Variants in SNRPE observed in about 807,000 individuals in gnomAD.
SNRPE encodes the protein small nuclear ribonucleoprotein E.
For synonymous variants in SNRPE, 35 were observed against 36.7 expected (o/e 0.95, Z 0.17); for missense variants, 53 against 111.6 (o/e 0.48, Z 2.36).
intron 2 of SNRPE, among the ~76,000 whole-genome samples, chr1:203,862,441 AC>A (rs1376139091): frequency 6.6e-6 from 1 of 152,220 alleles, no homozygotes; most frequent in Non-Finnish European, 1.5e-5. Context: ...TGTATCCATT[AC>A]TTTGCAAGAT....
intron 2 of SNRPE, 43 bp downstream of exon 2, chr1:203,862,265 G>A (rs1689993516): frequency 1.4e-6 from 2 of 1,408,144 alleles, no homozygotes; most frequent in Non-Finnish European, 2.0e-6. Context: ...TAAATAAGAG[G>A]TGAACTGATT....
chr1:203,863,755 C>G (rs1417477732), intron 3 of SNRPE, 30 bp downstream of exon 3: 1 of 1,442,896 alleles, frequency 6.9e-7, no homozygotes, highest in Admixed American at 1.7e-5. Flanking sequence ...CATCTCATAG[C>G]AGTTCGGTCG....
intron 4 of SNRPE, among the ~76,000 whole-genome samples, chr1:203,865,569 G>A (rs1166184894): frequency 6.6e-6 from 1 of 152,104 alleles, no homozygotes; most frequent in Non-Finnish European, 1.5e-5. Context: ...CAATCAGTTC[G>A]GCAGTGGACA....
In SNRPE at chr1:203,862,093, G is replaced by A. The variant is rs1689989678; in HGVS notation, c.55-103G>A. 17 of 906,158 alleles carry A rather than the reference G, an allele frequency of 1.9e-5. No homozygotes were observed. In the East Asian group the frequency reaches 3.6e-4, roughly 19 times the overall value. 56.1% of individuals were successfully genotyped at this position (906,158 alleles called of 1,614,324 possible). A position where few individuals can be genotyped will look rare whatever the true frequency, so the allele number is the denominator to read the frequency against. ...GTTGTTTGCGTAAGCACCAGACCTC[G>A]CGTTTAGTAAACAAAGGTGAGACGG... On this transcript the variant is annotated intron_variant, in intron 1 of 4. Coordinates refer to ENST00000414487, the MANE Select transcript of SNRPE (RefSeq NM_003094.4).
At position 203,869,862 on chromosome 1, in the gene SNRPE, G is replaced by T. The variant is rs1207359664; in HGVS notation, c.224-15G>T. The T allele has an allele frequency of 2.5e-6, 4 of 1,594,068 alleles. No individual in the cohort carries two copies. Among genetic ancestry groups the T allele is most frequent in the South Asian group, 1.1e-5 (1 of 88,088 alleles). On this transcript the variant is annotated splice_polypyrimidine_tract_variant and intron_variant, in intron 4 of 4. Transcript: ENST00000414487. ...GTGTGGCTATTAATAGCTTTTTGTTGTTTTTGTGTTGCAGGTCGGATCATG... is the reference window on the plus strand; with the variant it reads ...GTGTGGCTATTAATAGCTTTTTGTTTTTTTTGTGTTGCAGGTCGGATCATG...
intron 4 of SNRPE, among the ~76,000 whole-genome samples, chr1:203,868,201 G>A (rs1029627893): frequency 2.6e-5 from 4 of 151,970 alleles, no homozygotes; most frequent in African/African-American, 4.8e-5. Flanking sequence ...GACTACAGGC[G>A]TGTACCACCA....
chr1:203,863,942 A>G (rs1010486309), intron 3 of SNRPE, among the ~76,000 whole-genome samples: 3 of 151,030 alleles, frequency 2.0e-5, no homozygotes, highest in African/African-American at 2.4e-5. Context: ...TCCTCTGTCT[A>G]TGTTGAGAAG....
At chr1:203,864,942 CTT>C (rs1690058703) in intron 3 of SNRPE, 97 bp from the exon 4 acceptor site, 2 of 966,304 alleles carry the variant, frequency 2.1e-6, no homozygotes. Flanking sequence ...AAGAGTGAAT[CTT>C]TGAAGTTAGT....
intron 2 of SNRPE, 86 bp from the exon 3 acceptor site, chr1:203,863,577 C>G: frequency 1.1e-6 from 1 of 900,972 alleles, no homozygotes; most frequent in East Asian, 2.4e-5. Context: ...CCTCGGCCTC[C>G]GAAAGTGCTG....
In SNRPE at chr1:203,870,029, C is replaced by T. The variant is rs1690182705; in HGVS notation, c.*97C>T. The T allele has an allele frequency of 7.0e-6, 5 of 714,066 alleles. No individual in the cohort carries two copies. The East Asian group carries it at 1.4e-4, about 20-fold the overall frequency. 44.2% of individuals were successfully genotyped at this position (714,066 alleles called of 1,614,324 possible). ...ACATTTATTCATATTGTTTTGATTA[C>T]CCTCGTGTTACTACAAGATGGCAAT... On this transcript the variant is annotated 3_prime_UTR_variant, in exon 5 of 5. Transcript: ENST00000414487.
Position 203,870,140 on chromosome 1 carries a change from C to A in SNRPE, c.*208C>A. 1 of 450,670 alleles carries A rather than the reference C, an allele frequency of 2.2e-6. No homozygotes were observed. 27.9% of individuals were successfully genotyped at this position (450,670 alleles called of 1,614,324 possible). A position where few individuals can be genotyped will look rare whatever the true frequency, so the allele number is the denominator to read the frequency against. ...AAACTTTTTACACAGTAACACCATT[C>A]GTTGCTGGTATTTAGTTTTCTGAAG... On this transcript the variant is annotated 3_prime_UTR_variant, in exon 5 of 5. Transcript: ENST00000414487.
At chr1:203,869,587 T>C (rs1690172933) in intron 4 of SNRPE, among the ~76,000 whole-genome samples, 2 of 152,190 alleles carry the variant, frequency 1.3e-5, no homozygotes, top group Admixed American at 6.5e-5. Flanking sequence ...TTCCAAACTT[T>C]TATTACAAAT....
At chr1:203,864,979 A>C in intron 3 of SNRPE, 62 bp from the exon 4 acceptor site, 1 of 1,544,842 alleles carries the variant, frequency 6.5e-7, no homozygotes, top group South Asian at 1.2e-5. Context: ...GCATAGGTAT[A>C]CTCATTTAAA....
In SNRPE at chr1:203,865,012, T is replaced by G. The variant is rs766094614; in HGVS notation, c.145-29T>G. ...AAAATGGTTTGAATGTGATTTTCTT[T>G]GAAGATAACAGTTTGTTTATTTTTC... On this transcript the variant is annotated intron_variant, in intron 3 of 4. Coordinates refer to ENST00000414487, the MANE Select transcript of SNRPE (RefSeq NM_003094.4). 1.9e-6 allele frequency: 3 copies of G among 1,597,710 alleles called. No homozygotes were observed. In the South Asian group the frequency reaches 3.4e-5, roughly 18 times the overall value.
rs760500469 is a variant in SNRPE, at chr1:203,861,626, C to A, written c.-34C>A. 8 of 1,578,948 alleles carry A rather than the reference C, an allele frequency of 5.1e-6. No homozygotes were observed. Among genetic ancestry groups the A allele is most frequent in the Admixed American group, 1.7e-5 (1 of 59,956 alleles). ...TTATTCCGGAAGTTGCTCTCAGAGG[C>A]AGCGTGCGGGTGTGCTCTTTGTGAA... On this transcript the variant is annotated 5_prime_UTR_variant, in exon 1 of 5. Transcript: ENST00000414487.
intron 1 of SNRPE, 69 bp from the exon 2 acceptor site, chr1:203,862,127 T>C: frequency 8.2e-7 from 1 of 1,221,386 alleles, no homozygotes; most frequent in Non-Finnish European, 1.2e-6. Flanking sequence ...GGGAATAGCG[T>C]CGTCCGGTTG....
chr1:203,867,121 A>ACAAAAAC (rs58916106), intron 4 of SNRPE, among the ~76,000 whole-genome samples: 2 of 134,396 alleles, frequency 1.5e-5, no homozygotes, highest in African/African-American at 5.3e-5. Flanking sequence ...AAAAAAAAAA[A>ACAAAAAC]AAAAAAAAAT....
rs61506397 is a variant in SNRPE at position 203,864,876 on chromosome 1, CAAAAAAAAA to C, written c.145-148_145-140del. Among the ~76,000 whole-genome samples, 554 of 119,172 alleles carry C rather than the reference CAAAAAAAAA, an allele frequency of 4.6e-3. 3 individuals are homozygous for C. The highest frequency in any genetic ancestry group is 0.011 in the African/African-American group (344 of 32,140). The allele number at this position is 119,172 out of a possible 152,430, so 78.2% of individuals were successfully genotyped here. A position where few individuals can be genotyped will look rare whatever the true frequency, so the allele number is the denominator to read the frequency against. ...TGGAAGACAAAGTGAGATCCTTTCT[CAAAAAAAAA>C]AAAAAAAAAAAAAAAACTTTGGGTG... On this transcript the variant is annotated intron_variant, in intron 3 of 4. Transcript: ENST00000414487.
chr1:203,863,582 G>A (rs781389812), intron 2 of SNRPE, 81 bp from the exon 3 acceptor site: 2 of 927,328 alleles, frequency 2.2e-6, no homozygotes, highest in Non-Finnish European at 3.6e-6. Context: ...GCCTCCGAAA[G>A]TGCTGGGATT....
Sources: gnomAD v4.1 joint callset for allele counts (sites outside exome capture counted in the v4.1 genomes callset) on GRCh38, gnomAD v4.1.1 for gene constraint, MANE v1.5 for transcripts, NCBI Gene and HGNC (gene_info 2026-07-23, HGNC 2026-07-21) for gene names.